RAB28: variants seen among roughly 807,000 people sequenced by gnomAD.
RAB28 encodes the protein ras-related protein Rab-28.
In RAB28, 24 loss-of-function variants were observed where a neutral mutation model predicts 31.7. The observed-to-expected ratio is 0.76, with a 90% confidence interval of 0.55 to 1.06. RAB28 has a LOEUF of 1.06. Ranked by LOEUF, RAB28 falls within the 50% of genes least tolerant of loss-of-function variation. The pLI is 0.00. For missense variants in RAB28, 254 were observed against 258.5 expected, an observed-to-expected ratio of 0.98 and a Z score of 0.12; for synonymous variants, 100 against 90.4, an observed-to-expected ratio of 1.11 and a Z score of -0.60.
intron 2 of RAB28, among the ~76,000 whole-genome samples, chr4:13,476,234 T>G (rs989096714): frequency 6.6e-6 from 1 of 151,526 alleles, no homozygotes; most frequent in Non-Finnish European, 1.5e-5. Flanking sequence ...TGTTTTCAAA[T>G]TCTGACTACA....
chr4:13,448,918 C>G (rs1185450147), intron 4 of RAB28, among the ~76,000 whole-genome samples: 1 of 151,748 alleles, frequency 6.6e-6, no homozygotes, highest in Non-Finnish European at 1.5e-5. Context: ...GAAAAAGCAG[C>G]AGCAGCAGCA....
Position 13,469,348 on chromosome 4 carries a change from T to C in RAB28, c.261+4970A>G, listed in dbSNP as rs942945341. Among the ~76,000 whole-genome samples, 3 of 152,068 alleles carry C rather than the reference T, an allele frequency of 2.0e-5. No individual in the cohort carries two copies. In the South Asian group the frequency reaches 6.2e-4, roughly 31 times the overall value. On this transcript the variant is annotated intron_variant, in intron 3 of 6. Transcript: ENST00000330852. ...CATTTATCTCTCTCCTATGTCTTCA[T>C]GTCTTCATCCCCATACCATCCTTTC...
chr4:13,378,125 G>C (rs1183375368), intron 5 of RAB28, among the ~76,000 whole-genome samples: 1 of 152,122 alleles, frequency 6.6e-6, no homozygotes, highest in African/African-American at 2.4e-5. Flanking sequence ...AAGCCATTAG[G>C]AATAAGTGTA....
chr4:13,371,816 G>C, intron 6 of RAB28: 1 of 1,547,532 alleles, frequency 6.5e-7, no homozygotes, highest in Non-Finnish European at 8.7e-7. Context: ...GAGCCACAAA[G>C]CACACTCGAT....
chr4:13,418,822 T>C (rs956206767), intron 4 of RAB28, among the ~76,000 whole-genome samples: 1 of 152,168 alleles, frequency 6.6e-6, no homozygotes, highest in Non-Finnish European at 1.5e-5. Context: ...AGACCGTCAA[T>C]GCTAGGAAGA....
chr4:13,393,044 T>C (rs1430385483), intron 4 of RAB28, among the ~76,000 whole-genome samples: 1 of 152,188 alleles, frequency 6.6e-6, no homozygotes, highest in African/African-American at 2.4e-5. Context: ...GTCCATGCAT[T>C]TATTTACTCA....
At chr4:13,386,751 T>C (rs1242420125) in intron 4 of RAB28, among the ~76,000 whole-genome samples, 1 of 152,152 alleles carries the variant, frequency 6.6e-6, no homozygotes, top group East Asian at 1.9e-4. Flanking sequence ...ACTGGGTATA[T>C]ACCCAAAGGA....
chr4:13,412,836 T>G (rs1712521959), intron 4 of RAB28, among the ~76,000 whole-genome samples: 1 of 151,820 alleles, frequency 6.6e-6, no homozygotes, highest in Non-Finnish European at 1.5e-5. Flanking sequence ...ATACAAAAAC[T>G]CAGAGAAGTT....
intron 4 of RAB28, among the ~76,000 whole-genome samples, chr4:13,406,147 T>C (rs1277906395): frequency 6.6e-6 from 1 of 152,088 alleles, no homozygotes; most frequent in African/African-American, 2.4e-5. Flanking sequence ...ACTATCCCTC[T>C]CCTAGCCCCC....
chr4:13,468,007 A>C (rs1030455351), intron 3 of RAB28, among the ~76,000 whole-genome samples: 1 of 151,960 alleles, frequency 6.6e-6, no homozygotes, highest in African/African-American at 2.4e-5. Context: ...CTTCAGAATA[A>C]GGAAAATTAA....
At chr4:13,376,485 A>G in intron 6 of RAB28, 60 bp downstream of exon 6, 1 of 1,294,692 alleles carries the variant, frequency 7.7e-7, no homozygotes, top group South Asian at 1.4e-5. Context: ...TTTATGGGTG[A>G]AAATTAATGC....
chr4:13,409,182 T>C (rs943835849), intron 4 of RAB28, among the ~76,000 whole-genome samples: 1 of 151,996 alleles, frequency 6.6e-6, no homozygotes, highest in African/African-American at 2.4e-5. Context: ...CAAATCCAAG[T>C]CACCCTCAAA....
rs146234323 is a variant in RAB28, at chr4:13,413,177, C to T, written c.392-31583G>A. The stretch of plus-strand genomic sequence containing the variant: ...TATATGTTATCCATCAATCTCTCCA[C>T]CCCAATAAACAGATACAGAATAATC... On this transcript the variant is annotated intron_variant, in intron 4 of 6. Transcript: ENST00000330852. Among the ~76,000 whole-genome samples, 698 of 152,196 alleles carry T rather than the reference C, an allele frequency of 4.6e-3. 6 individuals are homozygous for T. Among genetic ancestry groups the T allele is most frequent in the African/African-American group, 0.016 (665 of 41,520 alleles).
rs190186882 is a variant in RAB28 at position 13,415,665 on chromosome 4, C to T, written c.392-34071G>A. On this transcript the variant is annotated intron_variant, in intron 4 of 6. Coordinates refer to ENST00000330852, the MANE Select transcript of RAB28 (RefSeq NM_001017979.3). ...CTGAGCCTCCCCCGCCCCCTCCAAC[C>T]ACGCCACCCTGGGCTCCTGTGTGGC... Among the ~76,000 whole-genome samples, 698 of 152,330 alleles carry T rather than the reference C, an allele frequency of 4.6e-3. 6 individuals carry two copies. Among genetic ancestry groups the T allele is most frequent in the African/African-American group, 0.016 (664 of 41,592 alleles).
At chr4:13,442,036 T>TA (rs773676601) in intron 4 of RAB28, among the ~76,000 whole-genome samples, 38 of 152,310 alleles carry the variant, frequency 2.5e-4, no homozygotes, top group Admixed American at 1.5e-3. Context: ...ATAATACATA[T>TA]ACCACACAAA....
At position 13,481,814 on chromosome 4, in the gene RAB28, T is replaced by C. The variant is rs3796806; in HGVS notation, c.75+2262A>G. On this transcript the variant is annotated intron_variant, in intron 1 of 6. Transcript: ENST00000330852. Reference sequence around the variant, plus strand: ...GTGTTGAAAAATGCTCAGAGTTAGATTGAGCAGGAAAAACAAATGCCAGGA... The same window carrying C: ...GTGTTGAAAAATGCTCAGAGTTAGACTGAGCAGGAAAAACAAATGCCAGGA... 4.9e-4 allele frequency among the ~76,000 whole-genome samples: 75 copies of C among 152,114 alleles called. 1 individual carries two copies. In the East Asian group the frequency reaches 0.011, roughly 22 times the overall value.
chr4:13,388,136 CA>C (rs1288048550), intron 4 of RAB28, among the ~76,000 whole-genome samples: 1 of 151,940 alleles, frequency 6.6e-6, no homozygotes, highest in East Asian at 1.9e-4. Flanking sequence ...GCCATAAAAG[CA>C]ATGCTAATTA....
chr4:13,394,527 C>A (rs1253782272), intron 4 of RAB28, among the ~76,000 whole-genome samples: 1 of 152,118 alleles, frequency 6.6e-6, no homozygotes. Context: ...AGTAGCAGTC[C>A]ATGGCCCAGG....
chr4:13,371,217 G>T (rs1728700347), intron 6 of RAB28: 2 of 985,298 alleles, frequency 2.0e-6, no homozygotes, highest in Non-Finnish European at 2.4e-6. Flanking sequence ...TTAACTTTTG[G>T]ACAAGACTCA....
Sources: allele counts gnomAD v4.1 joint callset (sites outside exome capture counted in the v4.1 genomes callset), GRCh38; gene constraint gnomAD v4.1.1; transcripts MANE v1.5; gene names NCBI Gene and HGNC (gene_info 2026-07-23, HGNC 2026-07-21).